Variants in ADGRF5 observed in about 807,000 individuals in gnomAD.
The protein encoded by ADGRF5 is adhesion G protein-coupled receptor F5.
Under a neutral mutation model 132.3 loss-of-function variants are expected in ADGRF5, and 75 were observed. That is an observed-to-expected ratio of 0.57 (90% CI 0.47 to 0.69). The LOEUF (loss-of-function observed/expected upper bound fraction) is 0.69. ADGRF5 is among the 30% of genes least tolerant of loss of function. The pLI, the probability that ADGRF5 is intolerant of heterozygous loss-of-function variation, is 0.00. For synonymous variants in ADGRF5, 629 were observed against 597.6 expected (o/e 1.05, Z -0.77); for missense variants, 1,516 against 1,630.6 (o/e 0.93, Z 1.21).
upstream of ADGRF5, among the ~76,000 whole-genome samples, chr6:46,924,298 A>G (rs1777143445): frequency 6.6e-6 from 1 of 152,182 alleles, no homozygotes; most frequent in South Asian, 2.1e-4. Context: ...AAGTTACCAC[A>G]CTGCATTCAA....
At chr6:46,929,857 T>C (rs1239790946) in intron 1 of ADGRF5, among the ~76,000 whole-genome samples, 1 of 152,096 alleles carries the variant, frequency 6.6e-6, no homozygotes, top group Admixed American at 6.6e-5. Flanking sequence ...GTTTCACTCT[T>C]GTTGCCCAGG....
chr6:46,932,756 C>CT (rs1190905726), intron 1 of ADGRF5, among the ~76,000 whole-genome samples: 22 of 152,176 alleles, frequency 1.4e-4, no homozygotes, highest in African/African-American at 5.1e-4. Context: ...TTCATCCCAC[C>CT]TCCCTACAGA....
rs1768686613 is a variant in ADGRF5 at position 46,853,343 on chromosome 6, G to C, written c.*649C>G. The C allele has an allele frequency of 6.6e-6, 1 of 151,618 alleles. No homozygotes were observed. The highest frequency in any genetic ancestry group is 2.4e-5 in the African/African-American group (1 of 41,222). The allele number at this position is 151,618 out of a possible 1,614,324, so 9.4% of individuals were successfully genotyped here. A position where few individuals can be genotyped will look rare whatever the true frequency, so the allele number is the denominator to read the frequency against. On this transcript the variant is annotated 3_prime_UTR_variant, in exon 21 of 21. Transcript: ENST00000283296. ...TTTTTTTCCTCCTCTTAGCTAAGAA[G>C]ACATCAGGAAGATACTGCCCAAAGT... is the stretch of plus-strand genomic sequence containing the variant.
intron 4 of ADGRF5, among the ~76,000 whole-genome samples, chr6:46,887,306 G>C (rs531278228): frequency 6.6e-6 from 1 of 152,292 alleles, no homozygotes; most frequent in Non-Finnish European, 1.5e-5. Flanking sequence ...ATCTGTGCCG[G>C]GTGGGAACAT....
intron 9 of ADGRF5, among the ~76,000 whole-genome samples, chr6:46,879,445 G>A (rs1303724873): frequency 6.6e-6 from 1 of 151,990 alleles, no homozygotes. Flanking sequence ...AGATCTGATG[G>A]TTTAAAACCA....
At chr6:46,877,267 CTTTCTTTCTTTCTTTCTTTCTT>C (rs1234851752) in intron 10 of ADGRF5, among the ~76,000 whole-genome samples, 26 of 39,952 alleles carry the variant, frequency 6.5e-4, no homozygotes, top group South Asian at 3.1e-3. Context: ...TTCTTTCTTT[CTTTCTTTCTTTCTTTCTTTCTT>C]TCTCTCTCTC....
chr6:46,879,019 C>T (rs973812587), intron 9 of ADGRF5, among the ~76,000 whole-genome samples: 2 of 152,062 alleles, frequency 1.3e-5, no homozygotes, highest in East Asian at 1.9e-4. Context: ...GCAGGGAGAA[C>T]GATGGATACG....
chr6:46,907,434 G>C (rs980378), intron 1 of ADGRF5, among the ~76,000 whole-genome samples: 3 of 151,734 alleles, frequency 2.0e-5, no homozygotes, highest in South Asian at 2.1e-4. Context: ...TGAATTCCTG[G>C]CCTCAAGCAA....
At chr6:46,905,906 C>G (rs1775310083) in intron 2 of ADGRF5, among the ~76,000 whole-genome samples, 1 of 152,020 alleles carries the variant, frequency 6.6e-6, no homozygotes, top group Non-Finnish European at 1.5e-5. Flanking sequence ...ATTTTCATAA[C>G]AATAAAAGGA....
intron 6 of ADGRF5, 152 bp downstream of exon 6, chr6:46,883,407 G>A: frequency 1.6e-6 from 1 of 613,186 alleles, no homozygotes. Flanking sequence ...TTTGATTTGA[G>A]CACATATTAA....
intron 6 of ADGRF5, among the ~76,000 whole-genome samples, chr6:46,883,331 C>T (rs1772690731): frequency 6.6e-6 from 1 of 152,142 alleles, no homozygotes; most frequent in Non-Finnish European, 1.5e-5. Context: ...TTAACTGAAC[C>T]AGTTCCACCC....
upstream of ADGRF5, chr6:46,922,012 G>A (rs187457300): frequency 3.9e-5 from 6 of 152,304 alleles, no homozygotes; most frequent in Non-Finnish European, 7.3e-5. Context: ...TGGCGTGTGC[G>A]ATTTCCCTCA....
intron 1 of ADGRF5, among the ~76,000 whole-genome samples, chr6:46,940,065 C>T (rs981922907): frequency 2.4e-4 from 37 of 152,008 alleles, no homozygotes; most frequent in African/African-American, 8.5e-4. Context: ...TGAAACCAAA[C>T]ACCGATTGAA....
upstream of ADGRF5, among the ~76,000 whole-genome samples, chr6:46,925,859 T>A (rs1777220252): frequency 2.0e-5 from 3 of 152,228 alleles, no homozygotes; most frequent in Admixed American, 2.0e-4. Context: ...TACATAATAG[T>A]TCAACTTGTG....
intron 19 of ADGRF5, 64 bp downstream of exon 19, chr6:46,856,654 T>A: frequency 9.9e-7 from 1 of 1,012,770 alleles, no homozygotes; most frequent in Non-Finnish European, 1.5e-6. Context: ...TACTCTGTAC[T>A]TCAGAATGCT....
chr6:46,927,835 A>G (rs1437717969), intron 1 of ADGRF5, among the ~76,000 whole-genome samples: 2 of 152,170 alleles, frequency 1.3e-5, no homozygotes, highest in African/African-American at 2.4e-5. Flanking sequence ...CCTCCTTCTC[A>G]GACAACACCC....
chr6:46,941,588 T>G (rs868239503), intron 1 of ADGRF5, among the ~76,000 whole-genome samples: 1 of 151,774 alleles, frequency 6.6e-6, no homozygotes, highest in Non-Finnish European at 1.5e-5. Context: ...TAACAAGCTG[T>G]CAAGCTGTCC....
chr6:46,890,784 C>T (rs1417303595), intron 3 of ADGRF5, among the ~76,000 whole-genome samples: 1 of 152,144 alleles, frequency 6.6e-6, no homozygotes, highest in Non-Finnish European at 1.5e-5. Flanking sequence ...AATTTACATT[C>T]TATCTGAAAA....
At chr6:46,873,095 T>C (rs1365078004) in intron 10 of ADGRF5, among the ~76,000 whole-genome samples, 1 of 152,072 alleles carries the variant, frequency 6.6e-6, no homozygotes, top group Non-Finnish European at 1.5e-5. Context: ...GAAAATCCAC[T>C]TCTTCTAATT....
Sources: gnomAD v4.1 joint callset for allele counts (sites outside exome capture counted in the v4.1 genomes callset) on GRCh38, gnomAD v4.1.1 for gene constraint, MANE v1.5 for transcripts, NCBI Gene and HGNC (gene_info 2026-07-23, HGNC 2026-07-21) for gene names.